Variants in DPP10 observed in about 807,000 individuals in gnomAD.
DPP10 encodes the protein dipeptidyl peptidase like 10, also known as inactive dipeptidyl peptidase 10.
DPP10 carries 33 observed loss-of-function variants against 120.9 expected under a neutral mutation model. That is an observed-to-expected ratio of 0.27 (90% CI 0.21 to 0.37). DPP10 has a LOEUF of 0.37. DPP10 is among the 10% of genes least tolerant of loss of function. The pLI is 1.00. For missense variants in DPP10, 816 were observed against 942.8 expected (o/e 0.87, Z 1.76); for synonymous variants, 337 against 326.1 (o/e 1.03, Z -0.36).
At chr2:114,474,509 C>A (rs1680211110) in intron 1 of DPP10, among the ~76,000 whole-genome samples, 1 of 152,154 alleles carries the variant, frequency 6.6e-6, no homozygotes, top group Non-Finnish European at 1.5e-5. Flanking sequence ...ACCATGGTAT[C>A]TTTCTCAGGG....
intron 3 of DPP10, among the ~76,000 whole-genome samples, chr2:115,396,576 A>T (rs1195543984): frequency 1.3e-5 from 2 of 152,200 alleles, no homozygotes; most frequent in Admixed American, 1.3e-4. Flanking sequence ...GGACCTTGGT[A>T]GTTGTTGTGT....
intron 12 of DPP10, among the ~76,000 whole-genome samples, chr2:115,766,397 GA>G (rs572025221): frequency 7.2e-6 from 1 of 139,228 alleles, no homozygotes; most frequent in Non-Finnish European, 1.5e-5. Flanking sequence ...AAAAGTAATG[GA>G]AAAAACCTCA....
At chr2:114,993,669 C>T (rs1700900306) in intron 1 of DPP10, among the ~76,000 whole-genome samples, 2 of 146,248 alleles carry the variant, frequency 1.4e-5, no homozygotes, top group African/African-American at 5.0e-5. Flanking sequence ...TTACCCTATG[C>T]ATAAAATTTA....
intron 5 of DPP10, among the ~76,000 whole-genome samples, chr2:115,620,249 G>T (rs1868325): frequency 0.61 from 92,642 of 152,046 alleles, 29,198 homozygotes; most frequent in Middle Eastern, 0.76. Context: ...TTACACACAC[G>T]CCCACACATT....
intron 5 of DPP10, among the ~76,000 whole-genome samples, chr2:115,595,677 A>G (rs2082943334): frequency 6.6e-6 from 1 of 152,072 alleles, no homozygotes; most frequent in South Asian, 2.1e-4. Context: ...TAACTTACTT[A>G]AACCTTCAGT....
intron 3 of DPP10, among the ~76,000 whole-genome samples, chr2:115,395,272 T>C (rs1431383971): frequency 6.6e-6 from 1 of 152,212 alleles, no homozygotes; most frequent in African/African-American, 2.4e-5. Flanking sequence ...CAGTATCTCT[T>C]TTTACGTGTA....
At chr2:114,663,662 T>TAGAGAGAGAGAGAGAGAG (rs1407543024) in intron 1 of DPP10, among the ~76,000 whole-genome samples, 37 of 94,984 alleles carry the variant, frequency 3.9e-4, no homozygotes, top group African/African-American at 1.2e-3. Flanking sequence ...TATATATATA[T>TAGAGAGAGAGAGAGAGAG]ATATATAGAG....
At chr2:115,696,409 C>T (rs914862634) in intron 7 of DPP10, among the ~76,000 whole-genome samples, 24 of 152,108 alleles carry the variant, frequency 1.6e-4, no homozygotes, top group Non-Finnish European at 1.2e-4. Flanking sequence ...GATTTCTCAT[C>T]AGAAACATAA....
At chr2:115,277,599 G>C (rs895553825) in intron 1 of DPP10, among the ~76,000 whole-genome samples, 2 of 151,652 alleles carry the variant, frequency 1.3e-5, no homozygotes, top group Admixed American at 1.3e-4. Flanking sequence ...ACATATGAAA[G>C]AATAATTACC....
At chr2:114,848,382 G>A (rs572933771) in intron 1 of DPP10, among the ~76,000 whole-genome samples, 31 of 152,136 alleles carry the variant, frequency 2.0e-4, no homozygotes, top group Admixed American at 3.9e-4. Flanking sequence ...ACTCTACAGG[G>A]ACATTTACAC....
At chr2:114,516,355 C>A (rs918571277) in intron 1 of DPP10, among the ~76,000 whole-genome samples, 1 of 152,074 alleles carries the variant, frequency 6.6e-6, no homozygotes, top group African/African-American at 2.4e-5. Context: ...TTTTTTCCAT[C>A]CCCCTGCAAA....
intron 3 of DPP10, among the ~76,000 whole-genome samples, chr2:115,355,949 G>T (rs996342263): frequency 6.6e-6 from 1 of 152,132 alleles, no homozygotes; most frequent in Non-Finnish European, 1.5e-5. Flanking sequence ...TGCTGTTTTG[G>T]TGACTGTAGC....
chr2:115,550,105 C>G (rs1459265298), intron 5 of DPP10, among the ~76,000 whole-genome samples: 1 of 152,018 alleles, frequency 6.6e-6, no homozygotes, highest in African/African-American at 2.4e-5. Context: ...AAGGGAAGTC[C>G]AAATGCTATA....
At chr2:114,488,199 G>GC (rs887047018) in intron 1 of DPP10, among the ~76,000 whole-genome samples, 15 of 152,268 alleles carry the variant, frequency 9.9e-5, no homozygotes, top group South Asian at 6.2e-4. Context: ...CTCATTTGTT[G>GC]CCCCTGGCTG....
chr2:115,369,126 A>C (rs946104066), intron 3 of DPP10, among the ~76,000 whole-genome samples: 1 of 152,066 alleles, frequency 6.6e-6, no homozygotes, highest in African/African-American at 2.4e-5. Flanking sequence ...ACAATAGCTG[A>C]AAATTCACAT....
At chr2:115,473,128 TATC>T (rs749359034) in intron 3 of DPP10, among the ~76,000 whole-genome samples, 21 of 152,324 alleles carry the variant, frequency 1.4e-4, no homozygotes, top group Admixed American at 7.2e-4. Flanking sequence ...TGTATTTTGT[TATC>T]ATTATTTAGT....
At chr2:115,035,288 G>A (rs1197800286) in intron 1 of DPP10, among the ~76,000 whole-genome samples, 4 of 152,156 alleles carry the variant, frequency 2.6e-5, no homozygotes, top group African/African-American at 9.7e-5. Flanking sequence ...CCCTACCCCA[G>A]TCAGGCAGAA....
At chr2:115,063,205 G>C (rs575456934) in intron 1 of DPP10, among the ~76,000 whole-genome samples, 1 of 152,248 alleles carries the variant, frequency 6.6e-6, no homozygotes, top group African/African-American at 2.4e-5. Context: ...AGAAGTGTCT[G>C]TTCATGTCCT....
intron 1 of DPP10, among the ~76,000 whole-genome samples, chr2:114,549,114 G>A (rs1229148479): frequency 6.6e-6 from 1 of 152,078 alleles, no homozygotes; most frequent in Non-Finnish European, 1.5e-5. Context: ...TCTTATTTGG[G>A]TCATTTCCTT....
Sources: gnomAD v4.1 joint callset for allele counts (sites outside exome capture counted in the v4.1 genomes callset) on GRCh38, gnomAD v4.1.1 for gene constraint, MANE v1.5 for transcripts, NCBI Gene and HGNC (gene_info 2026-07-23, HGNC 2026-07-21) for gene names.